Variants in COMMD1 observed in about 807,000 individuals in gnomAD.
COMMD1 encodes the protein COMM domain-containing protein 1.
COMMD1 carries 10 observed loss-of-function variants against 17.2 expected under a neutral mutation model. The ratio of observed to expected loss-of-function variants is 0.58; its 90% CI spans 0.36 to 0.99. The LOEUF is 0.99. Among genes scored for constraint, COMMD1 ranks in the 50% least tolerant of loss-of-function variants. The pLI, the probability that COMMD1 is intolerant of heterozygous loss-of-function variation, is 0.01. For missense variants in COMMD1, 270 were observed against 231.8 expected (o/e 1.17, Z -1.07); for synonymous variants, 97 against 91.6 (o/e 1.06, Z -0.34).
chr2:61,891,126 T>C (rs1669419432), intron 1 of COMMD1, among the ~76,000 whole-genome samples: 1 of 152,130 alleles, frequency 6.6e-6, no homozygotes, highest in African/African-American at 2.4e-5. Flanking sequence ...ATCTGTAAAA[T>C]AGGAGGGTTG....
intron 1 of COMMD1, among the ~76,000 whole-genome samples, chr2:61,959,931 C>G (rs189860329): frequency 6.6e-6 from 1 of 152,144 alleles, no homozygotes; most frequent in Non-Finnish European, 1.5e-5. Flanking sequence ...ACACTTTACC[C>G]GATTGGCTGT....
chr2:61,983,442 G>A (rs773696646), intron 1 of COMMD1, among the ~76,000 whole-genome samples: 1 of 152,040 alleles, frequency 6.6e-6, no homozygotes, highest in African/African-American at 2.4e-5. Context: ...CGACCGCCTC[G>A]GCCTCCCAAA....
chr2:62,100,388 G>A (rs10202561), intron 2 of COMMD1: 58,183 of 152,046 alleles, frequency 0.38, 11,568 homozygotes, highest in African/African-American at 0.49. Flanking sequence ...ATGAGTGACC[G>A]TGGCCCGTGG....
At chr2:61,931,064 C>T (rs1022624794) in intron 1 of COMMD1, among the ~76,000 whole-genome samples, 1 of 152,016 alleles carries the variant, frequency 6.6e-6, no homozygotes, top group Non-Finnish European at 1.5e-5. Context: ...GTAATCCTCG[C>T]ACTTTGGGAG....
At chr2:61,987,704 G>A (rs1672141302) in intron 1 of COMMD1, among the ~76,000 whole-genome samples, 1 of 152,140 alleles carries the variant, frequency 6.6e-6, no homozygotes, top group Admixed American at 6.6e-5. Flanking sequence ...TCAAGGCCTA[G>A]GACTCTACAA....
intron 1 of COMMD1, among the ~76,000 whole-genome samples, chr2:62,000,301 C>G (rs966085178): frequency 2.2e-5 from 3 of 133,998 alleles, no homozygotes; most frequent in Non-Finnish European, 3.1e-5. Flanking sequence ...GAGACAGGGT[C>G]TCTCTCTGTC....
intron 1 of COMMD1, among the ~76,000 whole-genome samples, chr2:61,959,821 C>T (rs997925231): frequency 2.0e-5 from 3 of 152,202 alleles, no homozygotes; most frequent in South Asian, 2.1e-4. Context: ...TGTCCAGCCA[C>T]GAGAGCACAC....
intron 1 of COMMD1, among the ~76,000 whole-genome samples, chr2:61,926,473 A>T (rs1572969147): frequency 6.6e-6 from 1 of 152,200 alleles, no homozygotes; most frequent in African/African-American, 2.4e-5. Context: ...AAGAAAGAAA[A>T]ATAGAATCCT....
chr2:62,029,200 T>C (rs1669848518), intron 2 of COMMD1, among the ~76,000 whole-genome samples: 1 of 152,218 alleles, frequency 6.6e-6, no homozygotes, highest in African/African-American at 2.4e-5. Context: ...TTAAATTAGA[T>C]ATCCAAATCT....
intron 2 of COMMD1, among the ~76,000 whole-genome samples, chr2:62,132,265 A>C (rs1272036313): frequency 6.6e-6 from 1 of 152,226 alleles, no homozygotes; most frequent in Non-Finnish European, 1.5e-5. Flanking sequence ...TCATACATAG[A>C]GATCCAATCA....
At chr2:62,041,450 C>T (rs1486696527) in intron 2 of COMMD1, among the ~76,000 whole-genome samples, 2 of 152,142 alleles carry the variant, frequency 1.3e-5, no homozygotes, top group African/African-American at 2.4e-5. Flanking sequence ...TCTGTCACCA[C>T]GTTGGAGTAC....
intron 2 of COMMD1, among the ~76,000 whole-genome samples, chr2:62,006,288 T>A (rs1669117330): frequency 1.3e-5 from 2 of 151,508 alleles, no homozygotes; most frequent in South Asian, 4.2e-4. Context: ...ATGGCACGTG[T>A]ATATATATGT....
At chr2:62,040,669 G>T (rs1178412347) in intron 2 of COMMD1, among the ~76,000 whole-genome samples, 3 of 152,122 alleles carry the variant, frequency 2.0e-5, no homozygotes, top group African/African-American at 7.2e-5. Context: ...CTTTTTGGTT[G>T]TGTCATAGTC....
chr2:61,888,553 C>G, upstream of COMMD1: 1 of 1,591,410 alleles, frequency 6.3e-7, no homozygotes, highest in Non-Finnish European at 8.6e-7. Context: ...GACGGATGGA[C>G]CCGGATTCTG....
chr2:62,001,238 C>G, intron 2 of COMMD1: 2 of 476,156 alleles, frequency 4.2e-6, no homozygotes, highest in Non-Finnish European at 7.7e-6. Context: ...CAGAAGCTGA[C>G]CACTACTGCA....
chr2:61,995,784 G>C (rs1668739892), intron 1 of COMMD1, among the ~76,000 whole-genome samples: 1 of 152,126 alleles, frequency 6.6e-6, no homozygotes, highest in Non-Finnish European at 1.5e-5. Context: ...TTCCTTTTCT[G>C]TAAGTTGAGA....
At chr2:61,986,866 G>A (rs1436273319) in intron 1 of COMMD1, among the ~76,000 whole-genome samples, 1 of 152,028 alleles carries the variant, frequency 6.6e-6, no homozygotes, top group Non-Finnish European at 1.5e-5. Context: ...CCTGTGCCCA[G>A]CCTCTTTTTC....
At chr2:62,110,365 C>G (rs948281020) in intron 2 of COMMD1, among the ~76,000 whole-genome samples, 1 of 152,200 alleles carries the variant, frequency 6.6e-6, no homozygotes, top group Non-Finnish European at 1.5e-5. Context: ...CCACCACACC[C>G]AGCTGAAGGG....
chr2:62,082,262 C>T (rs1671544301), intron 2 of COMMD1, among the ~76,000 whole-genome samples: 1 of 152,186 alleles, frequency 6.6e-6, no homozygotes, highest in South Asian at 2.1e-4. Flanking sequence ...TGCATACATA[C>T]TTTGCTGATA....
Sources: allele counts gnomAD v4.1 joint callset (sites outside exome capture counted in the v4.1 genomes callset), GRCh38; gene constraint gnomAD v4.1.1; transcripts MANE v1.5; gene names NCBI Gene and HGNC (gene_info 2026-07-23, HGNC 2026-07-21).